The following MARCHF6 variants were observed in gnomAD, a reference collection of about 807,000 sequenced individuals.
The protein encoded by MARCHF6 is E3 ubiquitin-protein ligase MARCHF6.
A neutral mutation model predicts 133.7 loss-of-function variants in MARCHF6; 31 were observed. That is an observed-to-expected ratio of 0.23 (90% confidence interval 0.17 to 0.31). MARCHF6 has a LOEUF of 0.31. Ranked by LOEUF, MARCHF6 falls within the 10% of genes least tolerant of loss-of-function variation. MARCHF6 has a pLI of 1.00. For synonymous variants in MARCHF6, 395 were observed against 402.5 expected, an observed-to-expected ratio of 0.98 and a Z score of 0.22; for missense variants, 723 against 1,121.6, an observed-to-expected ratio of 0.64 and a Z score of 5.08.
intron 17 of MARCHF6, among the ~76,000 whole-genome samples, chr5:10,408,725 G>A (rs1044424476): frequency 2.0e-5 from 3 of 152,056 alleles, no homozygotes; most frequent in Admixed American, 6.6e-5. Context: ...TTTTTGGGGA[G>A]ACCGGGTTTT....
intron 22 of MARCHF6, among the ~76,000 whole-genome samples, chr5:10,417,817 T>A (rs1015965247): frequency 1.3e-5 from 2 of 152,074 alleles, no homozygotes; most frequent in Non-Finnish European, 2.9e-5. Flanking sequence ...ATTTTTTTTT[T>A]AATTCTAGGA....
chr5:10,364,662 C>T (rs1240548688), intron 1 of MARCHF6, among the ~76,000 whole-genome samples: 2 of 152,166 alleles, frequency 1.3e-5, no homozygotes, highest in Non-Finnish European at 2.9e-5. Context: ...GCTGCTGAAG[C>T]TTGATGTTGC....
chr5:10,356,531 G>A (rs1043474474), intron 1 of MARCHF6, among the ~76,000 whole-genome samples: 1 of 151,842 alleles, frequency 6.6e-6, no homozygotes, highest in East Asian at 1.9e-4. Flanking sequence ...GAGTAGCTGG[G>A]ATTACAGGAG....
At chr5:10,414,525 A>C in intron 20 of MARCHF6, 23 bp downstream of exon 20, 4 of 1,565,736 alleles carry the variant, frequency 2.6e-6, no homozygotes, top group Non-Finnish European at 3.5e-6. Flanking sequence ...GCTAGCCTTC[A>C]GCTAATAGCA....
chr5:10,439,371 G>A lies in MARCHF6; in HGVS notation c.*5687G>A, dbSNP rs1740770277. 1 of 152,210 alleles carries A rather than the reference G, an allele frequency of 6.6e-6. No homozygotes were observed. Among genetic ancestry groups the A allele is most frequent in the South Asian group, 2.1e-4 (1 of 4,834 alleles). 9.4% of individuals were successfully genotyped at this position (152,210 alleles called of 1,614,324 possible). ...GAAGACAACAAGGAAAACGTGTTCA[G>A]CCTTGGGTTAGGAAAAGATTTCTTA... On this transcript the variant is annotated 3_prime_UTR_variant, in exon 26 of 26. Coordinates refer to ENST00000274140, the MANE Select transcript of MARCHF6 (RefSeq NM_005885.4).
chr5:10,421,070 C>T (rs1022707917), intron 22 of MARCHF6, among the ~76,000 whole-genome samples: 3 of 152,158 alleles, frequency 2.0e-5, no homozygotes, highest in Non-Finnish European at 4.4e-5. Flanking sequence ...TCTAGTTATA[C>T]TTGTATTTTT....
chr5:10,415,426 A>G, intron 20 of MARCHF6, 62 bp from the exon 21 acceptor site: 5 of 1,408,900 alleles, frequency 3.5e-6, no homozygotes, highest in Middle Eastern at 1.8e-4. Context: ...ACATAACAAC[A>G]TGAAGATGAC....
At position 10,436,314 on chromosome 5, in the gene MARCHF6, T is replaced by C. The variant is rs1685121703; in HGVS notation, c.*2630T>C. ...CTCCCCTAGTTTTTCAATTGTACTT[T>C]ATCGTGTTGTTTTCAATGAGATAAG... On this transcript the variant is annotated 3_prime_UTR_variant, in exon 26 of 26. Coordinates refer to ENST00000274140, the MANE Select transcript of MARCHF6 (RefSeq NM_005885.4). 6.6e-6 allele frequency: 1 copy of C among 152,204 alleles called. No homozygotes were observed. Among genetic ancestry groups the C allele is most frequent in the South Asian group, 2.1e-4 (1 of 4,830 alleles). 9.4% of individuals were successfully genotyped at this position (152,204 alleles called of 1,614,324 possible). A position where few individuals can be genotyped will look rare whatever the true frequency, so the allele number is the denominator to read the frequency against.
chr5:10,377,280 G>T (rs1736847229), intron 1 of MARCHF6, among the ~76,000 whole-genome samples: 1 of 152,152 alleles, frequency 6.6e-6, no homozygotes, highest in South Asian at 2.1e-4. Context: ...CTTAAAGTGT[G>T]TGTATGTGTG....
chr5:10,383,470 T>G (rs984274703), intron 4 of MARCHF6, among the ~76,000 whole-genome samples: 1 of 152,196 alleles, frequency 6.6e-6, no homozygotes, highest in African/African-American at 2.4e-5. Context: ...AGAGATTGTA[T>G]GCTTCCAGAT....
At chr5:10,385,626 T>C (rs879933189) in intron 4 of MARCHF6, among the ~76,000 whole-genome samples, 1 of 152,164 alleles carries the variant, frequency 6.6e-6, no homozygotes, top group Non-Finnish European at 1.5e-5. Context: ...AGCAAATGGC[T>C]AACAAAAAGC....
chr5:10,427,472 T>A (rs932892344), intron 24 of MARCHF6, among the ~76,000 whole-genome samples: 2 of 152,222 alleles, frequency 1.3e-5, no homozygotes, highest in African/African-American at 4.8e-5. Context: ...TTGACCTCAC[T>A]CCATGTCATA....
rs777843122 is a variant in MARCHF6 at position 10,402,380 on chromosome 5, G to T, written c.1054-4G>T. ...CTCAGTTTTTCCTTGACCTGATGCTGTAGGGCTTGGCAACTCTTGTGAAAT... is the reference window on the plus strand; with the variant it reads ...CTCAGTTTTTCCTTGACCTGATGCTTTAGGGCTTGGCAACTCTTGTGAAAT... On this transcript the variant is annotated splice_region_variant and splice_polypyrimidine_tract_variant and intron_variant, in intron 12 of 25. Coordinates refer to ENST00000274140, the MANE Select transcript of MARCHF6 (RefSeq NM_005885.4). 6.2e-7 allele frequency: 1 copy of T among 1,613,604 alleles called. No individual in the cohort carries two copies. The highest frequency in any genetic ancestry group is 1.1e-5 in the South Asian group (1 of 91,070).
chr5:10,358,919 A>G (rs1232470041), intron 1 of MARCHF6, among the ~76,000 whole-genome samples: 1 of 152,228 alleles, frequency 6.6e-6, no homozygotes, highest in Non-Finnish European at 1.5e-5. Context: ...CAGTTGAGAG[A>G]TGTAAAGAAA....
At chr5:10,417,717 CA>C (rs748194332) in intron 22 of MARCHF6, among the ~76,000 whole-genome samples, 3,446 of 52,516 alleles carry the variant, frequency 0.066, 17 homozygotes, top group Non-Finnish European at 0.093. Flanking sequence ...AGCCTCTGTC[CA>C]AAAAAAAAAA....
rs146581975 is a variant in MARCHF6, at chr5:10,411,511, C to A, written c.1870C>A (p.Arg624Ser). The change falls in exon 19 of 26, where the codon CGC becomes AGC. Residue 624 changes from arginine to serine, a missense_variant. Around this residue, in one of 4 missense-constraint regions of MARCHF6, gnomAD observed 492 missense variants for 699.5 expected, o/e 0.70. Coordinates refer to ENST00000274140, the MANE Select transcript of MARCHF6 (RefSeq NM_005885.4). ...AGGGCCTGTTGGCTTTCAGCCTTAC[C>A]GCCGACCTTTAAATTTTCCACTCAG... ...QGGPVGFQPY[R>S]RPLNFPLRIF... 6.2e-6 allele frequency: 10 copies of A among 1,614,004 alleles called. No homozygotes were observed. The highest frequency in any genetic ancestry group is 8.5e-6 in the Non-Finnish European group (10 of 1,179,922).
intron 1 of MARCHF6, among the ~76,000 whole-genome samples, chr5:10,366,272 G>A (rs1006732923): frequency 9.9e-5 from 15 of 152,120 alleles, no homozygotes; most frequent in African/African-American, 3.6e-4. Context: ...TAGTGAATGT[G>A]CACCATTTAT....
chr5:10,367,119 A>G (rs959915231), intron 1 of MARCHF6, among the ~76,000 whole-genome samples: 2 of 152,214 alleles, frequency 1.3e-5, no homozygotes, highest in Non-Finnish European at 2.9e-5. Flanking sequence ...GTACCTGACC[A>G]GTACTCCTTA....
chr5:10,356,626 C>G (rs960572653), intron 1 of MARCHF6, among the ~76,000 whole-genome samples: 1 of 152,028 alleles, frequency 6.6e-6, no homozygotes, highest in Admixed American at 6.6e-5. Flanking sequence ...AAACTCCTGA[C>G]CTCAGGTGAT....
Sources: gnomAD v4.1 joint callset for allele counts (sites outside exome capture counted in the v4.1 genomes callset) on GRCh38, gnomAD v4.1.1 for gene constraint, gnomAD v4.1.1 regional missense constraint, MANE v1.5 for transcripts, NCBI Gene and HGNC (gene_info 2026-07-23, HGNC 2026-07-21) for gene names.